SHISA9: variants seen among roughly 807,000 people sequenced by gnomAD.
SHISA9 encodes the protein protein shisa-9.
SHISA9 carries 13 observed loss-of-function variants against 38.0 expected under a neutral mutation model. The observed-to-expected ratio is 0.34, with a 90% CI of 0.22 to 0.54. SHISA9 has a LOEUF of 0.54. Ranked by LOEUF, SHISA9 falls within the 20% of genes least tolerant of loss-of-function variation. The pLI is 0.91. For missense variants in SHISA9, 538 were observed against 575.8 expected (o/e 0.93, Z 0.67); for synonymous variants, 275 against 242.0 (o/e 1.14, Z -1.27).
chr16:13,130,799 C>G (rs368893451), intron 2 of SHISA9, among the ~76,000 whole-genome samples: 290 of 152,314 alleles, frequency 1.9e-3, no homozygotes, highest in African/African-American at 6.8e-3. Context: ...ATGTAGAAGA[C>G]TGGTTTGGCC....
At chr16:13,425,542 T>G in the SHISA9 span, among the ~76,000 whole-genome samples, 2 of 151,906 alleles carry the variant, frequency 1.3e-5, no homozygotes, top group African/African-American at 4.8e-5. Context: ...GAGGGAAGAA[T>G]GGGGGTAAGG....
the SHISA9 span, among the ~76,000 whole-genome samples, chr16:13,501,132 G>T: frequency 6.6e-6 from 1 of 152,192 alleles, no homozygotes; most frequent in Admixed American, 6.5e-5. Flanking sequence ...AACCAAGGGT[G>T]CATTTGCCTC....
chr16:13,382,530 CA>C, the SHISA9 span, among the ~76,000 whole-genome samples: 245 of 49,014 alleles, frequency 5.0e-3, no homozygotes, highest in East Asian at 0.024. Context: ...AACTCCATCT[CA>C]AAAAAAAAAA....
At chr16:13,343,131 C>T in the SHISA9 span, among the ~76,000 whole-genome samples, 8 of 152,114 alleles carry the variant, frequency 5.3e-5, no homozygotes, top group African/African-American at 9.7e-5. Context: ...TGATCATTAA[C>T]CCGACCTATT....
At chr16:12,911,212 C>T (rs1465319798) in intron 1 of SHISA9, 1 of 977,908 alleles carries the variant, frequency 1.0e-6, no homozygotes, top group African/African-American at 1.8e-5. Context: ...CTTATTGATT[C>T]AGAATCTGCA....
the SHISA9 span, among the ~76,000 whole-genome samples, chr16:13,402,269 T>C: frequency 6.6e-6 from 1 of 152,062 alleles, no homozygotes; most frequent in African/African-American, 2.4e-5. Context: ...GTTCGAATGC[T>C]TGAGAACCAG....
At chr16:13,040,247 C>A (rs1448930056) in intron 2 of SHISA9, among the ~76,000 whole-genome samples, 1 of 152,218 alleles carries the variant, frequency 6.6e-6, no homozygotes, top group Non-Finnish European at 1.5e-5. Flanking sequence ...TGCTCCTGCT[C>A]TTCTATCCCT....
chr16:13,039,014 T>G (rs1567191654), intron 2 of SHISA9, among the ~76,000 whole-genome samples: 1 of 152,166 alleles, frequency 6.6e-6, no homozygotes, highest in Non-Finnish European at 1.5e-5. Flanking sequence ...ATTCAAGTGA[T>G]TCTCCTGCCT....
intron 2 of SHISA9, among the ~76,000 whole-genome samples, chr16:13,017,791 G>A (rs899046622): frequency 6.6e-6 from 1 of 152,218 alleles, no homozygotes; most frequent in Non-Finnish European, 1.5e-5. Context: ...TGTGATACCA[G>A]TGCTGCAAGG....
At chr16:13,453,117 T>C in the SHISA9 span, among the ~76,000 whole-genome samples, 2 of 152,166 alleles carry the variant, frequency 1.3e-5, no homozygotes, top group East Asian at 3.9e-4. Flanking sequence ...CTCGAACTCC[T>C]GACCTTGTGA....
intron 2 of SHISA9, among the ~76,000 whole-genome samples, chr16:13,012,184 C>T (rs889329492): frequency 2.0e-5 from 3 of 151,860 alleles, no homozygotes; most frequent in African/African-American, 7.3e-5. Flanking sequence ...CAATATTTGT[C>T]TTTCTGTGTC....
chr16:13,469,332 AAG>A, the SHISA9 span, among the ~76,000 whole-genome samples: 1 of 111,740 alleles, frequency 8.9e-6, no homozygotes, highest in African/African-American at 3.2e-5. Context: ...GAAAGAAAGA[AAG>A]AAAGAAAGAA....
chr16:13,184,448 A>T (rs565599267), intron 2 of SHISA9, among the ~76,000 whole-genome samples: 1 of 152,336 alleles, frequency 6.6e-6, no homozygotes, highest in East Asian at 1.9e-4. Flanking sequence ...ATGTCTTTGC[A>T]TATTTTTTAA....
At chr16:13,103,651 A>C (rs573756295) in intron 2 of SHISA9, among the ~76,000 whole-genome samples, 7 of 152,376 alleles carry the variant, frequency 4.6e-5, no homozygotes, top group African/African-American at 1.7e-4. Context: ...TCACATATAC[A>C]GGACTTCTGC....
chr16:13,051,859 G>A (rs531538386), intron 2 of SHISA9, among the ~76,000 whole-genome samples: 24 of 151,694 alleles, frequency 1.6e-4, no homozygotes, highest in African/African-American at 4.8e-4. Context: ...CTGCCTCCCC[G>A]GTTCAAACAA....
At chr16:13,075,699 T>G (rs1271817300) in intron 2 of SHISA9, among the ~76,000 whole-genome samples, 1 of 152,186 alleles carries the variant, frequency 6.6e-6, no homozygotes, top group African/African-American at 2.4e-5. Context: ...CTTCGTAAAA[T>G]GTCTATTCTG....
At chr16:13,091,460 T>C (rs1051043884) in intron 2 of SHISA9, among the ~76,000 whole-genome samples, 1 of 152,232 alleles carries the variant, frequency 6.6e-6, no homozygotes, top group Non-Finnish European at 1.5e-5. Flanking sequence ...TTTGATCTTT[T>C]CATGTAGTCC....
At position 12,998,878 on chromosome 16, in the gene SHISA9, A is replaced by G. The variant is rs2072490943; in HGVS notation, c.691+82063A>G. On this transcript the variant is annotated intron_variant, in intron 2 of 4. Transcript: ENST00000558583. ...TTGATCCTCATTATTCATGGTAGAT[A>G]TATTTTCTAAGGTCACCACAAACAC... Among the ~76,000 whole-genome samples the G allele has an allele frequency of 2.0e-5, 3 of 152,286 alleles. No homozygotes were observed. In the South Asian group the frequency reaches 6.2e-4, roughly 32 times the overall value.
chr16:12,927,525 A>T (rs2071406792), intron 2 of SHISA9, among the ~76,000 whole-genome samples: 1 of 151,700 alleles, frequency 6.6e-6, no homozygotes, highest in Non-Finnish European at 1.5e-5. Flanking sequence ...CAACCTCTCA[A>T]GTAGCTGGGG....
Sources: gnomAD v4.1 joint callset for allele counts (sites outside exome capture counted in the v4.1 genomes callset) on GRCh38, gnomAD v4.1.1 for gene constraint, MANE v1.5 for transcripts, NCBI Gene and HGNC (gene_info 2026-07-23, HGNC 2026-07-21) for gene names.